The following ENOX2 variants were observed in gnomAD, a reference collection of about 807,000 sequenced individuals.
The protein encoded by ENOX2 is APK1 antigen.
ENOX2 carries 36 observed loss-of-function variants against 45.0 expected under a neutral mutation model. That is an observed-to-expected ratio of 0.80 (90% CI 0.61 to 1.06). ENOX2 has a LOEUF of 1.06. Among genes scored for constraint, ENOX2 ranks in the 50% least tolerant of loss-of-function variants. The pLI is 0.00. For synonymous variants in ENOX2, 174 were observed against 152.3 expected (o/e 1.14, Z -1.05); for missense variants, 423 against 462.5 (o/e 0.91, Z 0.78).
chrX:130,630,721 C>T (rs1310380783), intron 13 of ENOX2, among the ~76,000 whole-genome samples: 1 of 111,155 alleles, frequency 9.0e-6, no homozygotes, highest in Admixed American at 9.6e-5. Context: ...TGTGGAAACC[C>T]CTGACTTTGT....
chrX:130,719,559 C>T (rs935315831), intron 3 of ENOX2, among the ~76,000 whole-genome samples: 6 of 111,626 alleles, frequency 5.4e-5, no homozygotes, highest in South Asian at 3.8e-4. Flanking sequence ...TAACAGCTGA[C>T]GCCTGGAACA....
chrX:130,804,749 C>T (rs372532665), intron 2 of ENOX2, among the ~76,000 whole-genome samples: 1 of 111,846 alleles, frequency 8.9e-6, no homozygotes, highest in Admixed American at 9.5e-5. Flanking sequence ...GATCCAGATA[C>T]ATTTCTCAAC....
chrX:130,820,462 G>A (rs1166161858), intron 2 of ENOX2, among the ~76,000 whole-genome samples: 1 of 112,008 alleles, frequency 8.9e-6, no homozygotes, highest in African/African-American at 3.2e-5. Flanking sequence ...ACTTTTAGGT[G>A]TCCATCCAAA....
intron 2 of ENOX2, among the ~76,000 whole-genome samples, chrX:130,851,560 C>T (rs762057485): frequency 4.9e-4 from 53 of 108,548 alleles, no homozygotes; most frequent in Middle Eastern, 4.8e-3. Context: ...ACCTGAGTTG[C>T]TTAGAGAGAT....
At chrX:130,832,253 C>T (rs776598784) in intron 2 of ENOX2, among the ~76,000 whole-genome samples, 163 of 110,691 alleles carry the variant, frequency 1.5e-3, no homozygotes, top group African/African-American at 5.2e-3. Flanking sequence ...AGTAGTTTAT[C>T]GATTCTTCAA....
chrX:130,812,048 C>G (rs764241481), intron 2 of ENOX2, among the ~76,000 whole-genome samples: 1 of 111,268 alleles, frequency 9.0e-6, no homozygotes, highest in African/African-American at 3.3e-5. Flanking sequence ...ATAAAGGATG[C>G]GAGCTCACAG....
chrX:130,763,704 A>G (rs2039547321), intron 3 of ENOX2, among the ~76,000 whole-genome samples: 1 of 111,019 alleles, frequency 9.0e-6, no homozygotes, highest in South Asian at 4.0e-4. Context: ...CCTCATCTCT[A>G]TAAAAATAAA....
intron 4 of ENOX2, among the ~76,000 whole-genome samples, chrX:130,696,114 T>G (rs994566205): frequency 8.9e-6 from 1 of 112,213 alleles, no homozygotes; most frequent in Non-Finnish European, 1.9e-5. Context: ...GCAAACAATC[T>G]GGCAAACTGG....
chrX:130,641,809 A>C (rs2036098958), intron 10 of ENOX2, among the ~76,000 whole-genome samples: 1 of 110,577 alleles, frequency 9.0e-6, no homozygotes, highest in Non-Finnish European at 1.9e-5. Flanking sequence ...GGGTGACAGC[A>C]CATCTGTTTA....
chrX:130,870,002 A>G (rs951531321), intron 2 of ENOX2, among the ~76,000 whole-genome samples: 2 of 111,799 alleles, frequency 1.8e-5, no homozygotes, highest in Non-Finnish European at 3.8e-5. Flanking sequence ...AGAGAGGAAG[A>G]AGGTGATGGT....
At chrX:130,690,464 T>C (rs1437389799) in intron 4 of ENOX2, among the ~76,000 whole-genome samples, 1 of 112,436 alleles carries the variant, frequency 8.9e-6, no homozygotes, top group African/African-American at 3.2e-5. Context: ...CTTCTTTGTT[T>C]CTCTGCCTCC....
chrX:130,675,453 T>C (rs1411428783), intron 6 of ENOX2, among the ~76,000 whole-genome samples: 1 of 112,213 alleles, frequency 8.9e-6, no homozygotes, highest in Non-Finnish European at 1.9e-5. Context: ...AGCAAGAAAA[T>C]GGTGGAACAA....
rs190128886 is a variant in ENOX2 at position 130,807,436 on chromosome X, T to G, written c.-182-23746A>C. On this transcript the variant is annotated intron_variant, in intron 2 of 14. Transcript: ENST00000394363. Reference sequence around the variant, plus strand: ...CATTCACAGACAGAGAAAAAGAAGTTTCAGAGTTGGCAGGGACCTTGGCAG... The same window carrying G: ...CATTCACAGACAGAGAAAAAGAAGTGTCAGAGTTGGCAGGGACCTTGGCAG... Among the ~76,000 whole-genome samples the G allele has an allele frequency of 2.2e-4, 25 of 111,304 alleles. No individual in the cohort carries two copies. The East Asian group carries it at 3.7e-3, about 16-fold the overall frequency.
At chrX:130,819,339 C>T (rs962788689) in intron 2 of ENOX2, among the ~76,000 whole-genome samples, 3 of 111,471 alleles carry the variant, frequency 2.7e-5, no homozygotes, top group African/African-American at 9.8e-5. Context: ...GACCCAGGAC[C>T]AGAAATACCA....
intron 3 of ENOX2, among the ~76,000 whole-genome samples, chrX:130,719,724 A>G (rs2038426180): frequency 8.9e-6 from 1 of 111,916 alleles, no homozygotes; most frequent in African/African-American, 3.3e-5. Context: ...TGCATTAGGG[A>G]AAGAAATGCA....
intron 3 of ENOX2, among the ~76,000 whole-genome samples, chrX:130,736,535 CCATGTAGT>C (rs2038865657): frequency 8.9e-6 from 1 of 112,161 alleles, no homozygotes; most frequent in South Asian, 3.7e-4. Context: ...GCTTTACAGC[CCATGTAGT>C]CACTTGTAAC....
chrX:130,677,169 A>G (rs1190172336), intron 6 of ENOX2, among the ~76,000 whole-genome samples: 1 of 111,898 alleles, frequency 8.9e-6, no homozygotes, highest in African/African-American at 3.3e-5. Context: ...GCCCCCAGTT[A>G]GGAGTCAGAA....
intron 10 of ENOX2, among the ~76,000 whole-genome samples, chrX:130,640,228 T>C (rs2148039560): frequency 8.9e-6 from 1 of 112,078 alleles, no homozygotes; most frequent in South Asian, 3.8e-4. Context: ...TTTTGGAGGA[T>C]ACATACATTC....
chrX:130,746,538 T>C (rs1429455953), intron 3 of ENOX2, among the ~76,000 whole-genome samples: 1 of 111,909 alleles, frequency 8.9e-6, no homozygotes, highest in African/African-American at 3.2e-5. Flanking sequence ...TCTTCTGCCT[T>C]AATTAGTACT....
Sources: gnomAD v4.1 joint callset for allele counts (sites outside exome capture counted in the v4.1 genomes callset) on GRCh38, gnomAD v4.1.1 for gene constraint, MANE v1.5 for transcripts, NCBI Gene and HGNC (gene_info 2026-07-23, HGNC 2026-07-21) for gene names.